ELMO2: variants seen among roughly 807,000 people sequenced by gnomAD.
ELMO2 encodes the protein engulfment and cell motility protein 2.
Under a neutral mutation model 96.2 loss-of-function variants are expected in ELMO2, and 37 were observed. The observed-to-expected ratio is 0.38, with a 90% CI of 0.30 to 0.51. ELMO2 has a LOEUF of 0.51. Ranked by LOEUF, ELMO2 falls within the 20% of genes least tolerant of loss-of-function variation. The pLI, the probability that ELMO2 is intolerant of heterozygous loss-of-function variation, is 0.88. For missense variants in ELMO2, 561 were observed against 912.6 expected, an observed-to-expected ratio of 0.61 and a Z score of 4.96; for synonymous variants, 315 against 329.4, an observed-to-expected ratio of 0.96 and a Z score of 0.47.
intron 1 of ELMO2, among the ~76,000 whole-genome samples, chr20:46,404,988 A>G (rs1007583415): frequency 2.0e-5 from 3 of 152,198 alleles, no homozygotes; most frequent in African/African-American, 7.2e-5. Context: ...TGCAGGTAGG[A>G]CATCAGTGAC....
chr20:46,390,937 A>G (rs2060140442), intron 6 of ELMO2: 1 of 152,362 alleles, frequency 6.6e-6, no homozygotes, highest in East Asian at 1.9e-4. Context: ...AGGTCATAGC[A>G]TAGAACAATC....
At chr20:46,405,709 C>T (rs1478268253) in intron 1 of ELMO2, among the ~76,000 whole-genome samples, 1 of 152,092 alleles carries the variant, frequency 6.6e-6, no homozygotes, top group African/African-American at 2.4e-5. Context: ...CACGGTGAAA[C>T]CCCGTCTCTA....
chr20:46,393,916 G>C (rs1360554641), intron 4 of ELMO2, 133 bp downstream of exon 4: 13 of 1,228,486 alleles, frequency 1.1e-5, no homozygotes, highest in Admixed American at 1.0e-4. Context: ...TCCTTCCCAA[G>C]ACAATGATTC....
rs1350966137 is a variant in ELMO2 at position 46,383,497 on chromosome 20, G to A, written c.678-3C>T. On this transcript the variant is annotated splice_region_variant and splice_polypyrimidine_tract_variant and intron_variant, in intron 9 of 21. Coordinates refer to ENST00000290246, the MANE Select transcript of ELMO2 (RefSeq NM_133171.5). ...AGGTCTGAATCTCCTGGTTGGAGCTGTGTCAATGGAGAAAGAAGAGAGAGG... is the reference window on the plus strand; with the variant it reads ...AGGTCTGAATCTCCTGGTTGGAGCTATGTCAATGGAGAAAGAAGAGAGAGG... 2 of 1,613,638 alleles carry A rather than the reference G, an allele frequency of 1.2e-6. No homozygotes were observed. Among genetic ancestry groups the A allele is most frequent in the Admixed American group, 1.7e-5 (1 of 60,030 alleles).
At chr20:46,382,344 C>G (rs1214737196) in intron 10 of ELMO2, 5 of 1,087,400 alleles carry the variant, frequency 4.6e-6, no homozygotes, top group Non-Finnish European at 5.0e-6. Context: ...CCAAGCCATC[C>G]AAGAAAGACA....
intron 10 of ELMO2, among the ~76,000 whole-genome samples, chr20:46,381,342 T>C (rs886140982): frequency 1.3e-5 from 2 of 152,236 alleles, no homozygotes; most frequent in Admixed American, 6.5e-5. Context: ...TTTAATTTTA[T>C]AGAGAATCCT....
chr20:46,370,730 G>T (rs555505253), intron 19 of ELMO2, among the ~76,000 whole-genome samples: 2 of 152,274 alleles, frequency 1.3e-5, no homozygotes, highest in East Asian at 3.9e-4. Context: ...GTAGACCACA[G>T]CCCAGTGAGG....
intron 6 of ELMO2, among the ~76,000 whole-genome samples, chr20:46,391,481 C>A (rs968667880): frequency 3.9e-5 from 6 of 152,212 alleles, no homozygotes; most frequent in Non-Finnish European, 7.3e-5. Context: ...CTCCCCTCCT[C>A]TCAGATGAAC....
At position 46,394,273 on chromosome 20, in the gene ELMO2, G is replaced by A. The variant is rs1600878586; in HGVS notation, c.78+132C>T. ...ACCGACCTTCCCTAGGGTGGGCCAG[G>A]CCCAAAGCTTAGCCTTCCTGTTGCT... On this transcript the variant is annotated intron_variant, in intron 3 of 21. Coordinates refer to ENST00000290246, the MANE Select transcript of ELMO2 (RefSeq NM_133171.5). 6.6e-6 allele frequency: 8 copies of A among 1,206,426 alleles called. No homozygotes were observed. In the East Asian group the frequency reaches 1.5e-4, roughly 22 times the overall value. The allele number at this position is 1,206,426 out of a possible 1,614,324, so 74.7% of individuals were successfully genotyped here.
chr20:46,369,207 GA>G, intron 20 of ELMO2: 1 of 456,274 alleles, frequency 2.2e-6, no homozygotes. Context: ...TTTAAGATTG[GA>G]AAAAAGTCAT....
Position 46,366,249 on chromosome 20 carries a change from A to G in ELMO2, c.*1111T>C, listed in dbSNP as rs1325339025. 6.6e-6 allele frequency: 1 copy of G among 152,656 alleles called. No individual in the cohort carries two copies. Among genetic ancestry groups the G allele is most frequent in the Non-Finnish European group, 1.5e-5 (1 of 68,040 alleles). 9.5% of individuals were successfully genotyped at this position (152,656 alleles called of 1,614,324 possible). A position where few individuals can be genotyped will look rare whatever the true frequency, so the allele number is the denominator to read the frequency against. The stretch of plus-strand genomic sequence containing the variant: ...ATACACGTCTGTATAAGTATGGCCT[A>G]TAGTAATGAAAATATATAGTACACT... On this transcript the variant is annotated 3_prime_UTR_variant, in exon 22 of 22. Coordinates refer to ENST00000290246, the MANE Select transcript of ELMO2 (RefSeq NM_133171.5).
intron 10 of ELMO2, among the ~76,000 whole-genome samples, chr20:46,380,537 C>T (rs1431291384): frequency 1.3e-5 from 2 of 152,176 alleles, no homozygotes; most frequent in Non-Finnish European, 1.5e-5. Flanking sequence ...ATTTCCTTTC[C>T]TAATGGCACA....
rs2274676 is a variant in ELMO2 at position 46,394,608 on chromosome 20, T to C, written c.-50-76A>G. 0.24 allele frequency: 273,821 copies of C among 1,130,720 alleles called. 36,556 individuals are homozygous for C. Among genetic ancestry groups the C allele is most frequent in the African/African-American group, 0.53 (34,432 of 65,052 alleles). 70.0% of individuals were successfully genotyped at this position (1,130,720 alleles called of 1,614,324 possible). A position where few individuals can be genotyped will look rare whatever the true frequency, so the allele number is the denominator to read the frequency against. On this transcript the variant is annotated intron_variant, in intron 2 of 21. Transcript: ENST00000290246. ...ACTCTTGTTACATGTTTTGAAGAGT[T>C]TGAAGACAGACACTGCATAAAGTAA... is the stretch of plus-strand genomic sequence containing the variant.
chr20:46,388,209 G>A (rs1310171341), intron 7 of ELMO2, among the ~76,000 whole-genome samples: 1 of 152,220 alleles, frequency 6.6e-6, no homozygotes, highest in Non-Finnish European at 1.5e-5. Context: ...ACTAAGGCCA[G>A]TCTAACCCTG....
At chr20:46,393,022 G>A (rs2060178497) in intron 6 of ELMO2, 71 bp downstream of exon 6, 11 of 1,340,428 alleles carry the variant, frequency 8.2e-6, no homozygotes, top group Non-Finnish European at 1.2e-5. Context: ...CTAGAACAGA[G>A]TCTGGCCCAT....
chr20:46,405,466 G>A (rs1313062323), intron 1 of ELMO2, among the ~76,000 whole-genome samples: 2 of 152,170 alleles, frequency 1.3e-5, no homozygotes, highest in African/African-American at 2.4e-5. Flanking sequence ...GCAAGCGGAC[G>A]GACGAGTAGA....
At chr20:46,402,169 C>G (rs547284447) in intron 1 of ELMO2, among the ~76,000 whole-genome samples, 1 of 152,324 alleles carries the variant, frequency 6.6e-6, no homozygotes, top group African/African-American at 2.4e-5. Context: ...CTCAGATGCT[C>G]AGGGTTGACC....
intron 2 of ELMO2, among the ~76,000 whole-genome samples, chr20:46,395,780 T>A (rs1011783221): frequency 6.6e-6 from 1 of 152,230 alleles, no homozygotes; most frequent in Non-Finnish European, 1.5e-5. Context: ...AAAGCCAGCA[T>A]TTCCAGAACA....
At chr20:46,405,002 G>A (rs1377898513) in intron 1 of ELMO2, among the ~76,000 whole-genome samples, 2 of 152,090 alleles carry the variant, frequency 1.3e-5, no homozygotes, top group Admixed American at 6.5e-5. Context: ...CAGTGACCAC[G>A]ATTCACATCC....
Sources: gnomAD v4.1 joint callset for allele counts (sites outside exome capture counted in the v4.1 genomes callset) on GRCh38, gnomAD v4.1.1 for gene constraint, MANE v1.5 for transcripts, NCBI Gene and HGNC (gene_info 2026-07-23, HGNC 2026-07-21) for gene names.